CORIN: variants seen among roughly 807,000 people sequenced by gnomAD.
CORIN encodes the protein corin, serine peptidase.
CORIN carries 117 observed loss-of-function variants against 125.3 expected under a neutral mutation model. The observed-to-expected ratio is 0.93, with a 90% CI of 0.80 to 1.09. The LOEUF is 1.09. CORIN is among the 50% of genes least tolerant of loss of function. CORIN has a pLI of 0.00. For synonymous variants in CORIN, 450 were observed against 466.4 expected (o/e 0.96, Z 0.45); for missense variants, 1,253 against 1,306.7 (o/e 0.96, Z 0.63).
intron 16 of CORIN, among the ~76,000 whole-genome samples, chr4:47,626,993 GTTT>G (rs200009610): frequency 2.4e-5 from 3 of 126,002 alleles, no homozygotes; most frequent in African/African-American, 8.6e-5. Flanking sequence ...TGTTGTTGTT[GTTT>G]TTTTTTTGAT....
chr4:47,723,560 C>T (rs762453926), intron 5 of CORIN, among the ~76,000 whole-genome samples: 9 of 152,060 alleles, frequency 5.9e-5, no homozygotes, highest in South Asian at 2.1e-4. Context: ...GACTTGTGAC[C>T]GGAACTTAAC....
rs540999520 is a variant in CORIN, at chr4:47,769,621, C to T, written c.410-6035G>A. The stretch of plus-strand genomic sequence containing the variant: ...TTTCACACTACTTGATTTCCAAATA[C>T]ACTATAAAGCTATAGTAATCAAAAA... On this transcript the variant is annotated intron_variant, in intron 3 of 21. Transcript: ENST00000273857. Among the ~76,000 whole-genome samples the T allele has an allele frequency of 1.1e-4, 16 of 152,030 alleles. 1 individual carries two copies. Among genetic ancestry groups the T allele is most frequent in the African/African-American group, 3.4e-4 (14 of 41,502 alleles).
intron 19 of CORIN, among the ~76,000 whole-genome samples, chr4:47,620,760 A>C: frequency 6.6e-6 from 1 of 152,230 alleles, no homozygotes; most frequent in Non-Finnish European, 1.5e-5. Flanking sequence ...TTAAAGCTCT[A>C]CATAGACTGT....
intron 5 of CORIN, among the ~76,000 whole-genome samples, chr4:47,734,377 G>A (rs61762914): frequency 5.9e-5 from 9 of 152,110 alleles, no homozygotes; most frequent in Admixed American, 5.2e-4. Flanking sequence ...GACACCCAAC[G>A]CAAGTCCACA....
intron 5 of CORIN, among the ~76,000 whole-genome samples, chr4:47,722,809 G>A (rs1015237540): frequency 5.3e-5 from 8 of 152,200 alleles, no homozygotes; most frequent in African/African-American, 1.9e-4. Context: ...GTAACTAAAT[G>A]TTGTGGACAG....
chr4:47,624,459 A>T (rs1293649266), intron 17 of CORIN, among the ~76,000 whole-genome samples: 1 of 152,182 alleles, frequency 6.6e-6, no homozygotes, highest in Non-Finnish European at 1.5e-5. Context: ...AAATTTGAAG[A>T]ACAGATTAAG....
chr4:47,701,928 A>G (rs1726311255), intron 5 of CORIN, among the ~76,000 whole-genome samples: 1 of 152,106 alleles, frequency 6.6e-6, no homozygotes, highest in Admixed American at 6.6e-5. Context: ...CATTTCCTGA[A>G]CAGAAGTGCA....
At chr4:47,681,087 G>A (rs1453863187) in intron 7 of CORIN, 1 of 152,230 alleles carries the variant, frequency 6.6e-6, no homozygotes, top group Non-Finnish European at 1.5e-5. Flanking sequence ...TGCCATGAGA[G>A]GTGGTATACC....
chr4:47,607,428 A>G (rs1721697372), intron 19 of CORIN, among the ~76,000 whole-genome samples: 1 of 151,882 alleles, frequency 6.6e-6, no homozygotes, highest in Admixed American at 6.6e-5. Context: ...AATTCCACCA[A>G]AAGAAAAAAA....
chr4:47,770,520 C>G (rs1252357187), intron 3 of CORIN, among the ~76,000 whole-genome samples: 1 of 152,116 alleles, frequency 6.6e-6, no homozygotes, highest in Non-Finnish European at 1.5e-5. Context: ...AACCCCAATA[C>G]TAGCTGTATA....
Position 47,643,137 on chromosome 4 carries a change from G to C in CORIN, c.2068+9C>G. On this transcript the variant is annotated intron_variant, in intron 15 of 21. Transcript: ENST00000273857. ...AGAGTACAACAGATGGCAGAAACAAGTAGCTCACCACAGTCCCATTCATCT... is the reference window on the plus strand; with the variant it reads ...AGAGTACAACAGATGGCAGAAACAACTAGCTCACCACAGTCCCATTCATCT... The C allele has an allele frequency of 6.2e-7, 1 of 1,614,056 alleles. No homozygotes were observed. Among genetic ancestry groups the C allele is most frequent in the Non-Finnish European group, 8.5e-7 (1 of 1,179,996 alleles).
chr4:47,698,654 T>C (rs1726147066), intron 5 of CORIN, among the ~76,000 whole-genome samples: 1 of 152,042 alleles, frequency 6.6e-6, no homozygotes, highest in South Asian at 2.1e-4. Context: ...GGAAATAGAC[T>C]CTAGGGGGAC....
intron 2 of CORIN, among the ~76,000 whole-genome samples, chr4:47,797,030 T>C (rs1343518053): frequency 6.6e-6 from 1 of 151,994 alleles, no homozygotes; most frequent in Non-Finnish European, 1.5e-5. Context: ...GAGGGTAGGC[T>C]TTATTCACTG....
At chr4:47,795,824 G>A (rs992465372) in intron 2 of CORIN, among the ~76,000 whole-genome samples, 1 of 151,932 alleles carries the variant, frequency 6.6e-6, no homozygotes, top group African/African-American at 2.4e-5. Context: ...CTCCAAAGAA[G>A]ACACATACGC....
At chr4:47,733,231 G>A (rs1434591154) in intron 5 of CORIN, among the ~76,000 whole-genome samples, 1 of 152,220 alleles carries the variant, frequency 6.6e-6, no homozygotes, top group African/African-American at 2.4e-5. Context: ...CTATTGTAAA[G>A]TTGGAGCAAT....
intron 3 of CORIN, among the ~76,000 whole-genome samples, chr4:47,771,538 C>T (rs61764278): frequency 6.6e-6 from 1 of 151,964 alleles, no homozygotes; most frequent in Non-Finnish European, 1.5e-5. Context: ...ATTTCGTCAC[C>T]CAAGTATTAA....
chr4:47,724,115 T>C (rs1452313463), intron 5 of CORIN, among the ~76,000 whole-genome samples: 1 of 152,044 alleles, frequency 6.6e-6, no homozygotes, highest in Non-Finnish European at 1.5e-5. Flanking sequence ...AAGACTTACT[T>C]TAAAGCAGCT....
chr4:47,720,817 T>C (rs1727310366), intron 5 of CORIN, among the ~76,000 whole-genome samples: 1 of 152,232 alleles, frequency 6.6e-6, no homozygotes, highest in South Asian at 2.1e-4. Flanking sequence ...TTTACTCCTT[T>C]TAAGATGTGT....
intron 3 of CORIN, among the ~76,000 whole-genome samples, chr4:47,771,834 C>T (rs1414870159): frequency 6.6e-6 from 1 of 152,144 alleles, no homozygotes; most frequent in East Asian, 1.9e-4. Flanking sequence ...AAAGTCTTTA[C>T]AGACATAGTG....
Sources: allele counts gnomAD v4.1 joint callset (sites outside exome capture counted in the v4.1 genomes callset), GRCh38; gene constraint gnomAD v4.1.1; transcripts MANE v1.5; gene names NCBI Gene and HGNC (gene_info 2026-07-23, HGNC 2026-07-21).